The following GPR161 variants were observed in gnomAD, a reference collection of about 807,000 sequenced individuals.
GPR161 encodes the protein G protein-coupled receptor 161.
GPR161 carries 25 observed loss-of-function variants against 39.2 expected under a neutral mutation model. The observed-to-expected ratio is 0.64, with a 90% CI of 0.47 to 0.89. The LOEUF (loss-of-function observed/expected upper bound fraction) is 0.89, where lower values mean the gene tolerates loss of function less well. Among genes scored for constraint, GPR161 ranks in the 40% least tolerant of loss-of-function variants. GPR161 has a pLI of 0.00. For missense variants in GPR161, 547 were observed against 677.8 expected (o/e 0.81, Z 2.14); for synonymous variants, 286 against 276.6 (o/e 1.03, Z -0.34).
intron 1 of GPR161, among the ~76,000 whole-genome samples, chr1:168,109,284 C>A (rs1344485155): frequency 6.6e-6 from 1 of 152,034 alleles, no homozygotes; most frequent in African/African-American, 2.4e-5. Context: ...TTAAATATAA[C>A]CCCAAATTTA....
At chr1:168,103,130 A>AGG (rs985415885) in intron 2 of GPR161, among the ~76,000 whole-genome samples, 69 of 152,358 alleles carry the variant, frequency 4.5e-4, no homozygotes, top group African/African-American at 1.6e-3. Flanking sequence ...ATCCAGTAAC[A>AGG]GGGGACTGTG....
chr1:168,099,125 C>T (rs1456136226), intron 2 of GPR161, among the ~76,000 whole-genome samples: 1 of 152,220 alleles, frequency 6.6e-6, no homozygotes, highest in Non-Finnish European at 1.5e-5. Flanking sequence ...AAGCCCTACA[C>T]TGCTCCTGCT....
intron 3 of GPR161, among the ~76,000 whole-genome samples, chr1:168,092,656 G>T (rs550986535): frequency 6.6e-6 from 1 of 152,300 alleles, no homozygotes; most frequent in East Asian, 1.9e-4. Context: ...AAGAACAGGG[G>T]TGTGATTCTG....
rs914164358 is a variant in GPR161 at position 168,126,055 on chromosome 1, C to T, written c.-45+10684G>A. Among the ~76,000 whole-genome samples the T allele has an allele frequency of 7.2e-5, 11 of 152,222 alleles. No individual in the cohort carries two copies. The East Asian group carries it at 7.7e-4, about 11-fold the overall frequency. ...TCTGAAGACCAAATAAATGAGGTTA[C>T]ACACATATGTAAACTATTATTCTGA... On this transcript the variant is annotated intron_variant, in intron 1 of 5. Transcript: ENST00000682931.
chr1:168,085,578 A>G lies in GPR161; in HGVS notation c.1543T>C (p.Leu515=), dbSNP rs779185142. 10 of 1,613,894 alleles carry G rather than the reference A, an allele frequency of 6.2e-6. No individual in the cohort carries two copies. The Admixed American group carries it at 1.2e-4, about 19-fold the overall frequency. ...ACATCTCCTTCTTCGATGCTCTGCAACTGCAGCCTCTGGCTCACAAGAGTT... is the reference window on the plus strand; with the variant it reads ...ACATCTCCTTCTTCGATGCTCTGCAGCTGCAGCCTCTGGCTCACAAGAGTT... The part of the protein sequence containing the change: ...SRTLVSQRLQ[L]QSIEEGDVLA... Residue 515 remains leucine, a synonymous_variant, in exon 6 of 6, where the codon TTG becomes CTG. Transcript: ENST00000682931.
At chr1:168,123,547 C>T (rs866660659) in intron 1 of GPR161, among the ~76,000 whole-genome samples, 1 of 121,740 alleles carries the variant, frequency 8.2e-6, no homozygotes, top group Non-Finnish European at 1.9e-5. Flanking sequence ...TACACACACA[C>T]ACACACACAC....
intron 1 of GPR161, chr1:168,134,939 C>A: frequency 6.5e-7 from 1 of 1,535,692 alleles, no homozygotes; most frequent in Non-Finnish European, 8.7e-7. Flanking sequence ...AGTTCCAGTT[C>A]AGCCCATTCT....
Position 168,114,026 on chromosome 1 carries a change from G to T in GPR161, c.-44-9132C>A, listed in dbSNP as rs77122118. ...AGGCAATACTAGGGTATTGAGACAG[G>T]TATCTGTTGTGTTTTATAAACTGCT... On this transcript the variant is annotated intron_variant, in intron 1 of 5. Coordinates refer to ENST00000682931, the MANE Select transcript of GPR161 (RefSeq NM_001375883.1). Among the ~76,000 whole-genome samples the T allele has an allele frequency of 6.3e-3, 955 of 152,210 alleles. 7 individuals carry two copies. The highest frequency in any genetic ancestry group is 0.022 in the African/African-American group (910 of 41,522).
rs776392999 is a variant in GPR161, at chr1:168,104,698, G to A, written c.153C>T (p.Thr51=). The change falls in exon 2 of 6, where the codon ACC becomes ACT. Residue 51 remains threonine (T), a synonymous_variant. Transcript: ENST00000682931. Reference sequence around the variant, plus strand: ...TGAGGAGGTAGGACTTCTTGTACAAGGTGACCACGATGACCAGGTTTCCCA... The same window carrying A: ...TGAGGAGGTAGGACTTCTTGTACAAAGTGACCACGATGACCAGGTTTCCCA... The part of the protein sequence containing the change: ...VCLGNLVIVV[T]LYKKSYLLTL... 5.0e-6 allele frequency: 8 copies of A among 1,613,838 alleles called. No homozygotes were observed. In the South Asian group the frequency reaches 8.8e-5, roughly 18 times the overall value.
chr1:168,112,036 T>C (rs1697218898), intron 1 of GPR161, among the ~76,000 whole-genome samples: 1 of 151,098 alleles, frequency 6.6e-6, no homozygotes, highest in Non-Finnish European at 1.5e-5. Context: ...TAAAGTTCTA[T>C]AATATTCAAG....
Position 168,082,896 on chromosome 1 carries a change from AC to A in GPR161, c.*2634del, listed in dbSNP as rs1307217075. 1 of 151,500 alleles carries A rather than the reference AC, an allele frequency of 6.6e-6. No homozygotes were observed. Among genetic ancestry groups the A allele is most frequent in the East Asian group, 1.9e-4 (1 of 5,176 alleles). 9.4% of individuals were successfully genotyped at this position (151,500 alleles called of 1,614,324 possible). On this transcript the variant is annotated 3_prime_UTR_variant, in exon 6 of 6. Coordinates refer to ENST00000682931, the MANE Select transcript of GPR161 (RefSeq NM_001375883.1). The stretch of plus-strand genomic sequence containing the variant: ...AAATTCTCTTTTCCTTCTCCCCCAC[AC>A]CCCCTTCTCTCTTTCTCTCTAGCTG...
intron 1 of GPR161, among the ~76,000 whole-genome samples, chr1:168,132,031 G>A (rs995977057): frequency 1.1e-4 from 16 of 152,208 alleles, no homozygotes; most frequent in Admixed American, 7.2e-4. Flanking sequence ...TTGGGAGGCC[G>A]AGGTGGGCAA....
chr1:168,119,244 ACATATATATATACG>A (rs1269987618), intron 1 of GPR161, among the ~76,000 whole-genome samples: 3 of 111,778 alleles, frequency 2.7e-5, no homozygotes, highest in African/African-American at 1.1e-4. Context: ...ATATATATAC[ACATATATATATACG>A]TATATATATG....
chr1:168,120,679 T>C (rs766555902), intron 1 of GPR161, among the ~76,000 whole-genome samples: 10 of 152,172 alleles, frequency 6.6e-5, no homozygotes, highest in East Asian at 1.9e-4. Context: ...TGGGAGGCGA[T>C]TGGATCATGG....
At chr1:168,092,773 TC>T (rs1415443042) in intron 3 of GPR161, among the ~76,000 whole-genome samples, 1 of 152,178 alleles carries the variant, frequency 6.6e-6, no homozygotes, top group African/African-American at 2.4e-5. Flanking sequence ...GGGGTCACCC[TC>T]CCCGCCCTCA....
chr1:168,136,650 C>T, intron 1 of GPR161, 89 bp downstream of exon 1: 1 of 1,204,494 alleles, frequency 8.3e-7, no homozygotes, highest in Non-Finnish European at 1.0e-6. Flanking sequence ...GCCCTGAGCC[C>T]TCAGCCTCGC....
chr1:168,093,009 G>A (rs1695213833), intron 3 of GPR161, among the ~76,000 whole-genome samples: 1 of 152,154 alleles, frequency 6.6e-6, no homozygotes, highest in South Asian at 2.1e-4. Flanking sequence ...CTGGAGTGAA[G>A]GTTCTGGGTC....
intron 1 of GPR161, among the ~76,000 whole-genome samples, chr1:168,129,465 C>G (rs924091104): frequency 2.6e-5 from 4 of 152,140 alleles, no homozygotes; most frequent in Admixed American, 2.6e-4. Flanking sequence ...CTTACACTTT[C>G]AAGAGGTCAC....
rs948172642 is a variant in GPR161 at position 168,136,840 on chromosome 1, G to A, written c.-146C>T. On this transcript the variant is annotated 5_prime_UTR_variant, in exon 1 of 6. Coordinates refer to ENST00000682931, the MANE Select transcript of GPR161 (RefSeq NM_001375883.1). The stretch of plus-strand genomic sequence containing the variant: ...TTCCTCCCCGCCGCGCTCCGGGACT[G>A]GAGGTTTCGGGTTTCAGCCCACCGA... The A allele has an allele frequency of 3.4e-4, 332 of 983,856 alleles. 2 individuals carry two copies. The highest frequency in any genetic ancestry group is 1.9e-4 in the Admixed American group (3 of 16,032). 60.9% of individuals were successfully genotyped at this position (983,856 alleles called of 1,614,324 possible). A position where few individuals can be genotyped will look rare whatever the true frequency, so the allele number is the denominator to read the frequency against.
Sources: gnomAD v4.1 joint callset for allele counts (sites outside exome capture counted in the v4.1 genomes callset) on GRCh38, gnomAD v4.1.1 for gene constraint, MANE v1.5 for transcripts, NCBI Gene and HGNC (gene_info 2026-07-23, HGNC 2026-07-21) for gene names.